Variants in EZR observed in about 807,000 individuals in gnomAD.
The protein encoded by EZR is ezrin, also known as cytovillin 2.
EZR carries 40 observed loss-of-function variants against 74.8 expected under a neutral mutation model. The observed-to-expected ratio is 0.53, with a 90% confidence interval of 0.42 to 0.70. The LOEUF (loss-of-function observed/expected upper bound fraction) is 0.70. EZR is among the 30% of genes least tolerant of loss of function. The pLI is 0.00. For synonymous variants in EZR, 341 were observed against 283.3 expected, an observed-to-expected ratio of 1.20 and a Z score of -2.05; for missense variants, 678 against 755.8, an observed-to-expected ratio of 0.90 and a Z score of 1.21.
chr6:158,816,476 C>T (rs190916734), intron 2 of EZR, among the ~76,000 whole-genome samples: 67 of 152,276 alleles, frequency 4.4e-4, no homozygotes, highest in South Asian at 3.1e-3. Flanking sequence ...ATAAAGAAAA[C>T]CACACCCAGA....
rs1004884698 is a variant in EZR at position 158,771,368 on chromosome 6, G to A, written c.835C>T (p.Arg279Trp). ...FYAPRLRINKRILQLCMGNHE... is the reference protein window; with the variant it reads ...FYAPRLRINKWILQLCMGNHE... ...TTGCCCATGCAGAGCTGCAGGATCCGCTTGTTGATTCTCAGACGTGGGGCA... is the reference window on the plus strand; with the variant it reads ...TTGCCCATGCAGAGCTGCAGGATCCACTTGTTGATTCTCAGACGTGGGGCA... Residue 279 changes from arginine (R) to tryptophan (W), a missense_variant, in exon 9 of 14, where the codon CGG becomes TGG. This residue lies in a region of EZR where 119 missense variants were observed against 182.3 expected (regional missense o/e 0.65). Coordinates refer to ENST00000367075, the MANE Select transcript of EZR (RefSeq NM_001111077.2). The A allele has an allele frequency of 1.9e-6, 3 of 1,613,186 alleles. No individual in the cohort carries two copies. Among genetic ancestry groups the A allele is most frequent in the South Asian group, 1.1e-5 (1 of 90,988 alleles).
chr6:158,795,930 AC>A (rs1351730144), intron 2 of EZR, among the ~76,000 whole-genome samples: 1 of 152,092 alleles, frequency 6.6e-6, no homozygotes, highest in Non-Finnish European at 1.5e-5. Context: ...CTGGGCCTCT[AC>A]CTGATCTGCA....
chr6:158,766,742 A>T lies in EZR; in HGVS notation c.*172T>A, dbSNP rs77551523. On this transcript the variant is annotated 3_prime_UTR_variant, in exon 14 of 14. Transcript: ENST00000367075. ...GGCACTATTACAACTGGGGAAAACA[A>T]ACCAGGGCGCCTCCCTGGTTCCCAG... 3,375 of 692,176 alleles carry T rather than the reference A, an allele frequency of 4.9e-3. 95 individuals carry two copies. In the African/African-American group the frequency reaches 0.054, roughly 11 times the overall value. 42.9% of individuals were successfully genotyped at this position (692,176 alleles called of 1,614,324 possible).
intron 2 of EZR, among the ~76,000 whole-genome samples, chr6:158,800,990 C>T (rs998421695): frequency 6.6e-6 from 1 of 152,158 alleles, no homozygotes; most frequent in Admixed American, 6.5e-5. Flanking sequence ...GAAATCTTGG[C>T]CAGGCACAGT....
At chr6:158,787,323 A>G (rs1371649560) in intron 3 of EZR, 120 bp from the exon 4 acceptor site, 2 of 680,728 alleles carry the variant, frequency 2.9e-6, no homozygotes, top group African/African-American at 3.6e-5. Context: ...ACATCTGCTC[A>G]GTCCAACCAC....
intron 2 of EZR, among the ~76,000 whole-genome samples, chr6:158,800,899 T>G (rs1777174077): frequency 6.6e-6 from 1 of 152,228 alleles, no homozygotes; most frequent in Non-Finnish European, 1.5e-5. Context: ...CTATCAAGCT[T>G]TCTGTATCTT....
intron 8 of EZR, among the ~76,000 whole-genome samples, chr6:158,774,984 G>A (rs955430959): frequency 1.3e-5 from 2 of 150,908 alleles, no homozygotes; most frequent in Non-Finnish European, 2.9e-5. Flanking sequence ...TTAAATAACC[G>A]TGCAACTACC....
At chr6:158,784,527 C>G in intron 6 of EZR, 117 bp downstream of exon 6, 2 of 867,266 alleles carry the variant, frequency 2.3e-6, no homozygotes, top group Non-Finnish European at 1.8e-6. Context: ...TCGGTTCCCT[C>G]AAGGTCTTCA....
intron 6 of EZR, among the ~76,000 whole-genome samples, chr6:158,784,340 A>C (rs1791509613): frequency 6.6e-6 from 1 of 152,248 alleles, no homozygotes; most frequent in Non-Finnish European, 1.5e-5. Flanking sequence ...AATAATGCTG[A>C]TTGCAGGTGA....
At chr6:158,791,997 C>T (rs769136992) in intron 2 of EZR, among the ~76,000 whole-genome samples, 8 of 150,638 alleles carry the variant, frequency 5.3e-5, no homozygotes, top group Non-Finnish European at 8.9e-5. Context: ...CGTGAGCCAC[C>T]GCGCCCGGCC....
At chr6:158,769,579 C>T (rs933965783) in intron 11 of EZR, among the ~76,000 whole-genome samples, 161 bp from the exon 12 acceptor site, 1 of 152,198 alleles carries the variant, frequency 6.6e-6, no homozygotes, top group Admixed American at 6.5e-5. Context: ...GCACCCCCGG[C>T]ATCTCTTCCT....
rs1221308894 is a variant in EZR, at chr6:158,787,201, C to A, written c.99G>T (p.Val33=). 2 of 1,612,318 alleles carry A rather than the reference C, an allele frequency of 1.2e-6. No homozygotes were observed. The highest frequency in any genetic ancestry group is 1.7e-6 in the Non-Finnish European group (2 of 1,178,544). ...NTTGKQLFDQ[V]VKTIGLREVW... ...CTTCCCGGAGGCCGATAGTCTTTAC[C>A]ACCTGCGTGAGAGAGAGAGAGGCTC... is the stretch of plus-strand genomic sequence containing the variant. Residue 33 remains valine (V), a splice_region_variant and synonymous_variant, in exon 4 of 14, where the codon GTG becomes GTT. Coordinates refer to ENST00000367075, the MANE Select transcript of EZR (RefSeq NM_001111077.2).
At chr6:158,775,034 C>T (rs868329901) in intron 8 of EZR, among the ~76,000 whole-genome samples, 3 of 121,538 alleles carry the variant, frequency 2.5e-5, no homozygotes, top group South Asian at 2.7e-4. Context: ...AGCAGGAGCC[C>T]TTTTTTTTTT....
At position 158,785,323 on chromosome 6, in the gene EZR, C is replaced by A. The variant is rs557813758; in HGVS notation, c.453G>T (p.Arg151=). Residue 151 remains arginine (R), a synonymous_variant, in exon 5 of 14, where the codon CGG becomes CGT. Transcript: ENST00000367075. ...CCTGTGCTCACCTTTGAGGGATCAG[C>A]CGCTCAGAGCTGAGGTACCCAGACT... ...VHKSGYLSSE[R]LIPQRVMDQH... 1.7e-5 allele frequency: 27 copies of A among 1,613,980 alleles called. No homozygotes were observed. Among genetic ancestry groups the A allele is most frequent in the Non-Finnish European group, 2.0e-5 (24 of 1,180,018 alleles).
chr6:158,766,486 T>G lies in EZR; in HGVS notation c.*428A>C, dbSNP rs1312408771. 2 of 160,320 alleles carry G rather than the reference T, an allele frequency of 1.2e-5. No homozygotes were observed. The highest frequency in any genetic ancestry group is 2.7e-5 in the Non-Finnish European group (2 of 73,432). 9.9% of individuals were successfully genotyped at this position (160,320 alleles called of 1,614,324 possible). A position where few individuals can be genotyped will look rare whatever the true frequency, so the allele number is the denominator to read the frequency against. ...AAGCATGTAAATATACAAAGATGGA[T>G]CCTTCATAGAAATTAAAAAATCAAT... On this transcript the variant is annotated 3_prime_UTR_variant, in exon 14 of 14. Coordinates refer to ENST00000367075, the MANE Select transcript of EZR (RefSeq NM_001111077.2).
chr6:158,804,677 A>G (rs1480260752), intron 2 of EZR, among the ~76,000 whole-genome samples: 1 of 152,230 alleles, frequency 6.6e-6, no homozygotes, highest in East Asian at 1.9e-4. Flanking sequence ...CTAAAGGCCT[A>G]TAGATTAAAC....
At chr6:158,785,068 G>A (rs975710968) in intron 5 of EZR, among the ~76,000 whole-genome samples, 2 of 152,212 alleles carry the variant, frequency 1.3e-5, no homozygotes, top group East Asian at 1.9e-4. Flanking sequence ...CAGTCAGGTC[G>A]AGAAGTTTGC....
intron 2 of EZR, among the ~76,000 whole-genome samples, chr6:158,806,655 C>T (rs1324141034): frequency 6.6e-6 from 1 of 151,896 alleles, no homozygotes; most frequent in Non-Finnish European, 1.5e-5. Context: ...ATTCAATTTT[C>T]CTCCATTTCT....
intron 2 of EZR, among the ~76,000 whole-genome samples, chr6:158,805,645 T>A (rs1235222154): frequency 6.6e-6 from 1 of 152,154 alleles, no homozygotes; most frequent in Non-Finnish European, 1.5e-5. Context: ...TTTGCTTAAA[T>A]AAGCAAACCC....
Sources: gnomAD v4.1 joint callset for allele counts (sites outside exome capture counted in the v4.1 genomes callset) on GRCh38, gnomAD v4.1.1 for gene constraint, gnomAD v4.1.1 regional missense constraint, MANE v1.5 for transcripts, NCBI Gene and HGNC (gene_info 2026-07-23, HGNC 2026-07-21) for gene names.